ATP8B1: variants seen among roughly 807,000 people sequenced by gnomAD.
ATP8B1 encodes the protein phospholipid-transporting ATPase IC.
In ATP8B1, 80 loss-of-function variants were observed where a neutral mutation model predicts 149.9. That is an observed-to-expected ratio of 0.53 (90% CI 0.45 to 0.64). The LOEUF (loss-of-function observed/expected upper bound fraction) is 0.64. Among genes scored for constraint, ATP8B1 ranks in the 30% least tolerant of loss-of-function variants. The pLI is 0.00. For missense variants in ATP8B1, 1,247 were observed against 1,552.6 expected (o/e 0.80, Z 3.31); for synonymous variants, 536 against 562.8 (o/e 0.95, Z 0.67).
chr18:57,669,413 C>T lies in ATP8B1; in HGVS notation c.2002G>A (p.Glu668Lys). The T allele has an allele frequency of 1.2e-6, 2 of 1,613,696 alleles. No individual in the cohort carries two copies. The highest frequency in any genetic ancestry group is 8.5e-7 in the Non-Finnish European group (1 of 1,179,682). Residue 668 changes from glutamate to lysine, a missense_variant, in exon 18 of 28, where the codon GAA becomes AAA. Transcript: ENST00000648908. ...YKEIEEKEFT[E>K]WNKKFMAASV... ...GCAGCCATAAACTTTTTATTCCATT[C>T]TGTAAATTCTTTTTCTTCAATTTCC... is the stretch of plus-strand genomic sequence containing the variant.
intron 1 of ATP8B1, among the ~76,000 whole-genome samples, chr18:57,751,731 G>C (rs1235935738): frequency 6.6e-6 from 1 of 152,140 alleles, no homozygotes; most frequent in Non-Finnish European, 1.5e-5. Context: ...CCTAGCTCCA[G>C]CCACCTTCTG....
chr18:57,665,923 A>C (rs1004199678), intron 20 of ATP8B1, among the ~76,000 whole-genome samples: 9 of 150,388 alleles, frequency 6.0e-5, no homozygotes, highest in Admixed American at 5.9e-4. Context: ...CACATAAACT[A>C]AATCAGTTCT....
At chr18:57,791,091 A>G (rs2080459502) in intron 1 of ATP8B1, among the ~76,000 whole-genome samples, 1 of 152,164 alleles carries the variant, frequency 6.6e-6, no homozygotes, top group Non-Finnish European at 1.5e-5. Flanking sequence ...CCATCCCTAG[A>G]AATTTTTCAT....
intron 1 of ATP8B1, among the ~76,000 whole-genome samples, chr18:57,796,588 T>A (rs148277320): frequency 3.7e-4 from 57 of 152,340 alleles, no homozygotes; most frequent in Middle Eastern, 3.4e-3. Flanking sequence ...GATAGGGGCA[T>A]TATTTCCCAG....
At chr18:57,713,994 C>T (rs1233352782) in intron 2 of ATP8B1, among the ~76,000 whole-genome samples, 5 of 152,092 alleles carry the variant, frequency 3.3e-5, no homozygotes, top group African/African-American at 9.7e-5. Context: ...CTCTTGGGGT[C>T]CCTGAGTCTA....
At chr18:57,792,474 A>G (rs935364587) in intron 1 of ATP8B1, among the ~76,000 whole-genome samples, 2 of 152,070 alleles carry the variant, frequency 1.3e-5, no homozygotes, top group African/African-American at 4.8e-5. Context: ...ACATCATGCT[A>G]AGTGTAAAAA....
intron 1 of ATP8B1, among the ~76,000 whole-genome samples, chr18:57,801,382 G>C (rs1347498974): frequency 6.6e-6 from 1 of 152,194 alleles, no homozygotes; most frequent in East Asian, 1.9e-4. Context: ...GTTAACTGCA[G>C]GCAGGCGTGA....
intron 21 of ATP8B1, 75 bp from the exon 22 acceptor site, chr18:57,661,537 T>G (rs1051843579): frequency 6.1e-6 from 9 of 1,485,138 alleles, no homozygotes; most frequent in Non-Finnish European, 8.3e-6. Flanking sequence ...AGATTTAAAT[T>G]ATGTGAAGGA....
chr18:57,669,050 T>A, intron 18 of ATP8B1: 1 of 273,938 alleles, frequency 3.7e-6, no homozygotes, highest in Non-Finnish European at 6.7e-6. Context: ...TTAAAAATTA[T>A]AATAAATTTT....
intron 12 of ATP8B1, chr18:57,688,746 C>T: frequency 1.9e-6 from 1 of 518,538 alleles, no homozygotes; most frequent in East Asian, 3.5e-5. Flanking sequence ...GGGATTAGTG[C>T]CCTTATTAAA....
rs1469524114 is a variant in ATP8B1, at chr18:57,722,793, CA to C, written c.181+8833del. Among the ~76,000 whole-genome samples the C allele has an allele frequency of 2.7e-4, 30 of 109,844 alleles. 1 individual carries two copies. The highest frequency in any genetic ancestry group is 1.1e-3 in the African/African-American group (30 of 27,876). The allele number at this position is 109,844 out of a possible 152,430, so 72.1% of individuals were successfully genotyped here. ...TACCAAAGCCGGGCAGAGACACAACCAAAAAAGAGAATTTTAGACCAATATC... is the reference window on the plus strand; with the variant it reads ...TACCAAAGCCGGGCAGAGACACAACCAAAAAGAGAATTTTAGACCAATATC... On this transcript the variant is annotated intron_variant, in intron 2 of 27. Transcript: ENST00000648908.
At chr18:57,689,271 G>A (rs533418339) in intron 12 of ATP8B1, among the ~76,000 whole-genome samples, 190 of 152,148 alleles carry the variant, frequency 1.2e-3, no homozygotes, top group Non-Finnish European at 2.5e-3. Flanking sequence ...AGGGCAGAGG[G>A]AGTGAGAGTA....
At chr18:57,698,213 T>C (rs1301155148) in intron 6 of ATP8B1, among the ~76,000 whole-genome samples, 2 of 152,212 alleles carry the variant, frequency 1.3e-5, no homozygotes, top group Non-Finnish European at 2.9e-5. Flanking sequence ...CAGTGACCCA[T>C]CACTTGCTCC....
At position 57,684,172 on chromosome 18, in the gene ATP8B1, A is replaced by T; in HGVS notation, c.1494T>A (p.Asn498Lys). ...NKIEQVDFSWNTYADGKLAFY... is the reference protein window; with the variant it reads ...NKIEQVDFSWKTYADGKLAFY... Reference sequence around the variant, plus strand: ...ATGCAAGCTTCCCATCAGCATATGTATTCCAGCTAAAATCAACTTGCTGAA... The same window carrying T: ...ATGCAAGCTTCCCATCAGCATATGTTTTCCAGCTAAAATCAACTTGCTGAA... The change falls in exon 15 of 28, where the codon AAT becomes AAA. Residue 498 changes from asparagine to lysine, a missense_variant. By Grantham distance (94) the Asn-to-Lys change is moderately conservative. This residue lies in a region of ATP8B1 where 853 missense variants were observed against 1,035.7 expected (regional missense o/e 0.82). Coordinates refer to ENST00000648908, the MANE Select transcript of ATP8B1 (RefSeq NM_001374385.1). 4 of 1,614,012 alleles carry T rather than the reference A, an allele frequency of 2.5e-6. No individual in the cohort carries two copies. The highest frequency in any genetic ancestry group is 3.4e-6 in the Non-Finnish European group (4 of 1,179,912).
chr18:57,653,923 GT>G lies in ATP8B1; in HGVS notation c.3015+68del. The stretch of plus-strand genomic sequence containing the variant: ...AAACACCAGAAGAATGCATTGAAAC[GT>G]TTGCTTGGGACTTCTCTAACGCATT... On this transcript the variant is annotated intron_variant, in intron 24 of 27. Transcript: ENST00000648908. 2.1e-6 allele frequency: 3 copies of G among 1,395,556 alleles called. No individual in the cohort carries two copies. The South Asian group carries it at 3.5e-5, about 16-fold the overall frequency. 86.4% of individuals were successfully genotyped at this position (1,395,556 alleles called of 1,614,324 possible). A position where few individuals can be genotyped will look rare whatever the true frequency, so the allele number is the denominator to read the frequency against.
intron 2 of ATP8B1, among the ~76,000 whole-genome samples, chr18:57,720,471 C>T (rs2079632720): frequency 1.1e-5 from 1 of 88,850 alleles, no homozygotes; most frequent in Non-Finnish European, 2.2e-5. Flanking sequence ...GGAGCCGATG[C>T]GATCAACTGG....
Position 57,661,419 on chromosome 18 carries a change from A to G in ATP8B1, c.2462T>C (p.Leu821Pro). The change falls in exon 22 of 28, where the codon CTG becomes CCG. Residue 821 changes from leucine to proline, a missense_variant. Around this residue, in one of 3 missense-constraint regions of ATP8B1, gnomAD observed 853 missense variants for 1,035.7 expected, o/e 0.82. Transcript: ENST00000648908. ...TTCTGTTCTTGGGAACTTCAGCTTC[A>G]GAATCTTATTTCTCTTGGTCTTTTT... ...LEKKTKRNKI[L>P]KLKFPRTEEE... The G allele has an allele frequency of 6.2e-7, 1 of 1,613,840 alleles. No individual in the cohort carries two copies. The highest frequency in any genetic ancestry group is 8.5e-7 in the Non-Finnish European group (1 of 1,179,960).
In ATP8B1 at chr18:57,650,373, A is replaced by G. The variant is rs1274006558; in HGVS notation, c.3525T>C (p.Ser1175=). The change falls in exon 27 of 28, where the codon AGT becomes AGC. Residue 1175 remains serine (S), a synonymous_variant. Coordinates refer to ENST00000648908, the MANE Select transcript of ATP8B1 (RefSeq NM_001374385.1). ...AGGACTATATTCTTTATACCTTATC[A>G]CTTTCTGATGGCCAGATGGTCATTG... is the stretch of plus-strand genomic sequence containing the variant. The part of the protein sequence containing the change: ...FLSMTIWPSE[S]DKIQKHRKRL... The G allele has an allele frequency of 6.2e-7, 1 of 1,613,380 alleles. No individual in the cohort carries two copies. Among genetic ancestry groups the G allele is most frequent in the East Asian group, 2.2e-5 (1 of 44,834 alleles).
rs1394913616 is a variant in ATP8B1 at position 57,672,909 on chromosome 18, T to TC, written c.1820-1330_1820-1329insG. On this transcript the variant is annotated intron_variant, in intron 16 of 27. Transcript: ENST00000648908. ...AAGTATATATATATATATATATATA[T>TC]ATATATATATATATATATATATAAC... 4.3e-4 allele frequency among the ~76,000 whole-genome samples: 31 copies of TC among 72,438 alleles called. 1 individual carries two copies. The highest frequency in any genetic ancestry group is 1.0e-3 in the South Asian group (2 of 1,946). The allele number at this position is 72,438 out of a possible 152,430, so 47.5% of individuals were successfully genotyped here.
Sources: allele counts gnomAD v4.1 joint callset (sites outside exome capture counted in the v4.1 genomes callset), GRCh38; gene constraint gnomAD v4.1.1; regional missense constraint gnomAD v4.1.1; transcripts MANE v1.5; gene names NCBI Gene and HGNC (gene_info 2026-07-23, HGNC 2026-07-21).